The following GARRE1 variants were observed in gnomAD, a reference collection of about 807,000 sequenced individuals.
GARRE1 encodes granule associated Rac and RHOG effector 1.
In GARRE1, 49 loss-of-function variants were observed where a neutral mutation model predicts 103.2. The observed-to-expected ratio is 0.47, with a 90% CI of 0.38 to 0.60. GARRE1 has a LOEUF of 0.60. GARRE1 is among the 20% of genes least tolerant of loss of function. The probability of loss-of-function intolerance (pLI) is 0.00; values close to 1 mark genes in which losing one functional copy is unlikely to be tolerated. For synonymous variants in GARRE1, 505 were observed against 532.8 expected (o/e 0.95, Z 0.72); for missense variants, 1,199 against 1,370.5 (o/e 0.87, Z 1.98).
intron 7 of GARRE1, among the ~76,000 whole-genome samples, 167 bp downstream of exon 7, chr19:34,330,514 A>C (rs541647887): frequency 9.8e-5 from 15 of 152,346 alleles, no homozygotes; most frequent in Non-Finnish European, 2.1e-4. Flanking sequence ...AGCAGCATTT[A>C]AAAATCTCTT....
intron 8 of GARRE1, among the ~76,000 whole-genome samples, chr19:34,339,240 C>T (rs1177852381): frequency 1.3e-5 from 2 of 152,178 alleles, no homozygotes; most frequent in Admixed American, 6.5e-5. Flanking sequence ...GGTTGTCACC[C>T]GACTTCTAAC....
chr19:34,257,424 A>T (rs563747553), intron 1 of GARRE1, among the ~76,000 whole-genome samples: 9 of 151,660 alleles, frequency 5.9e-5, no homozygotes, highest in African/African-American at 2.2e-4. Context: ...TGCAACCTCC[A>T]CCTCCCAGGT....
chr19:34,353,952 T>G lies in GARRE1; in HGVS notation c.*997T>G, dbSNP rs903125163. 2.0e-5 allele frequency: 3 copies of G among 152,612 alleles called. No homozygotes were observed. Among genetic ancestry groups the G allele is most frequent in the Non-Finnish European group, 4.4e-5 (3 of 68,038 alleles). The allele number at this position is 152,612 out of a possible 1,614,324, so 9.5% of individuals were successfully genotyped here. On this transcript the variant is annotated 3_prime_UTR_variant, in exon 14 of 14. Coordinates refer to ENST00000299505, the MANE Select transcript of GARRE1 (RefSeq NM_014686.5). The stretch of plus-strand genomic sequence containing the variant: ...AAAAAAAATCCACCTCATTTTCAGT[T>G]AACATGTGCCATTAAATAGATAACA...
At chr19:34,273,109 G>T (rs2073797581) in intron 1 of GARRE1, among the ~76,000 whole-genome samples, 1 of 152,168 alleles carries the variant, frequency 6.6e-6, no homozygotes, top group East Asian at 1.9e-4. Flanking sequence ...GGCTGAGGCT[G>T]GTCAATCACT....
chr19:34,333,430 CAT>C (rs1568309068), intron 7 of GARRE1, among the ~76,000 whole-genome samples: 1 of 152,152 alleles, frequency 6.6e-6, no homozygotes, highest in Admixed American at 6.5e-5. Context: ...TCCTAATTAA[CAT>C]ATTTATAGTT....
chr19:34,262,490 T>C (rs1424814310), intron 1 of GARRE1, among the ~76,000 whole-genome samples: 1 of 151,586 alleles, frequency 6.6e-6, no homozygotes, highest in Non-Finnish European at 1.5e-5. Flanking sequence ...GAGATGGGGT[T>C]TCACCATATT....
rs1483950283 is a variant in GARRE1, at chr19:34,260,699, GA to G, written c.-796+6091del. 5.3e-5 allele frequency among the ~76,000 whole-genome samples: 8 copies of G among 152,164 alleles called. No individual in the cohort carries two copies. In the East Asian group the frequency reaches 1.5e-3, roughly 29 times the overall value. ...GAATGATCATCTGAGAATGAAATCA[GA>G]AAAAATGTCATACACATTAGCTATC... is the stretch of plus-strand genomic sequence containing the variant. On this transcript the variant is annotated intron_variant, in intron 1 of 13. Transcript: ENST00000299505.
Position 34,339,862 on chromosome 19 carries a change from C to T in GARRE1, c.1362-5C>T, listed in dbSNP as rs758649320. The T allele has an allele frequency of 2.5e-6, 4 of 1,614,056 alleles. No homozygotes were observed. Among genetic ancestry groups the T allele is most frequent in the Non-Finnish European group, 3.4e-6 (4 of 1,179,996 alleles). ...CAAGACTAATGCAGCCTAATCTATGCCTAGGTGCCTGAAAGAAGACCCTGC... is the reference window on the plus strand; with the variant it reads ...CAAGACTAATGCAGCCTAATCTATGTCTAGGTGCCTGAAAGAAGACCCTGC... On this transcript the variant is annotated splice_region_variant and splice_polypyrimidine_tract_variant and intron_variant, in intron 8 of 13. Transcript: ENST00000299505.
Position 34,320,021 on chromosome 19 carries a change from G to T in GARRE1, c.610G>T (p.Glu204Ter). The change falls in exon 3 of 14, where the codon GAA becomes TAA. Residue 204 changes from glutamate to a stop codon, truncating the protein, a stop_gained. Transcript: ENST00000299505. LOFTEE classifies it high-confidence loss of function. ...HSCFAEVIVPEKKNSGSGGGL... is the reference protein window; with the variant it reads ...HSCFAEVIVP ...TTGCTTTGCTGAGGTCATCGTGCCA[G>T]AAAAAAAGAACAGCGGCAGTGGCGG... The T allele has an allele frequency of 6.2e-7, 1 of 1,614,196 alleles. No individual in the cohort carries two copies. Among genetic ancestry groups the T allele is most frequent in the Non-Finnish European group, 8.5e-7 (1 of 1,180,042 alleles).
rs983977705 is a variant in GARRE1 at position 34,353,884 on chromosome 19, C to G, written c.*929C>G. ...TTGTGAGCTGGCTCAGAAGACAAAC[C>G]AATTAAGATGTAGATAGAAATTAAT... On this transcript the variant is annotated 3_prime_UTR_variant, in exon 14 of 14. Transcript: ENST00000299505. 2 of 152,316 alleles carry G rather than the reference C, an allele frequency of 1.3e-5. No individual in the cohort carries two copies. Among genetic ancestry groups the G allele is most frequent in the Non-Finnish European group, 2.9e-5 (2 of 68,004 alleles). 9.4% of individuals were successfully genotyped at this position (152,316 alleles called of 1,614,324 possible). A position where few individuals can be genotyped will look rare whatever the true frequency, so the allele number is the denominator to read the frequency against.
chr19:34,261,982 G>T (rs1057425313), intron 1 of GARRE1, among the ~76,000 whole-genome samples: 2 of 151,960 alleles, frequency 1.3e-5, no homozygotes, highest in South Asian at 4.2e-4. Context: ...CACCTGGTAG[G>T]TCTCCCTGCC....
In GARRE1 at chr19:34,333,718, A is replaced by C; in HGVS notation, c.1278A>C (p.Thr426=). Residue 426 remains threonine, a synonymous_variant, in exon 8 of 14, where the codon ACA becomes ACC. Transcript: ENST00000299505. ...FGQAGLVVVD[T]AQIENKEAYA... Reference sequence around the variant, plus strand: ...TTCGATCTTAGGTGGTGGTTGACACAGCACAGATTGAGAATAAAGAAGCCT... The same window carrying C: ...TTCGATCTTAGGTGGTGGTTGACACCGCACAGATTGAGAATAAAGAAGCCT... The C allele has an allele frequency of 6.4e-7, 1 of 1,556,030 alleles. No individual in the cohort carries two copies. The highest frequency in any genetic ancestry group is 8.8e-7 in the Non-Finnish European group (1 of 1,133,032).
At chr19:34,320,412 G>A (rs944575824) in intron 3 of GARRE1, among the ~76,000 whole-genome samples, 1 of 152,200 alleles carries the variant, frequency 6.6e-6, no homozygotes, top group Non-Finnish European at 1.5e-5. Context: ...GGAAGGGAGG[G>A]CCCTGTCTCT....
chr19:34,290,266 G>A (rs1416522383), intron 1 of GARRE1, among the ~76,000 whole-genome samples: 2 of 152,056 alleles, frequency 1.3e-5, no homozygotes, highest in Non-Finnish European at 2.9e-5. Flanking sequence ...TGAGGTGGGA[G>A]GATGGCTTGA....
intron 1 of GARRE1, among the ~76,000 whole-genome samples, chr19:34,295,855 C>G (rs751458163): frequency 2.6e-5 from 4 of 152,076 alleles, no homozygotes; most frequent in Non-Finnish European, 5.9e-5. Flanking sequence ...GATGTGAGGT[C>G]GGGGTCCAGA....
intron 1 of GARRE1, among the ~76,000 whole-genome samples, chr19:34,294,687 TG>T (rs1206712915): frequency 1.3e-5 from 2 of 152,190 alleles, no homozygotes; most frequent in African/African-American, 2.4e-5. Flanking sequence ...TCCAATTTTT[TG>T]TTGAAAACTG....
In GARRE1 at chr19:34,341,593, C is replaced by T. The variant is rs765542887; in HGVS notation, c.1659C>T (p.Ser553=). ...AGAAAGCTTCATGTACCAGCTCCAG[C>T]AGCAGCACAAATTATTCCATCCAAA... ...FTKKASCTSS[S]SSTNYSIQNT... is the part of the protein sequence containing the mutation. The change falls in exon 10 of 14, where the codon AGC becomes AGT. Residue 553 remains serine (S), a synonymous_variant. Coordinates refer to ENST00000299505, the MANE Select transcript of GARRE1 (RefSeq NM_014686.5). The T allele has an allele frequency of 2.7e-5, 43 of 1,614,086 alleles. No homozygotes were observed. Among genetic ancestry groups the T allele is most frequent in the Non-Finnish European group, 3.6e-5 (43 of 1,180,048 alleles).
intron 1 of GARRE1, among the ~76,000 whole-genome samples, chr19:34,283,854 C>T (rs1323655750): frequency 6.2e-5 from 8 of 129,078 alleles, no homozygotes; most frequent in South Asian, 2.5e-4. Context: ...TTTTTTGAGA[C>T]GGAGTCTCAC....
chr19:34,279,298 T>TTTTTG (rs565732603), intron 1 of GARRE1, among the ~76,000 whole-genome samples: 60 of 152,198 alleles, frequency 3.9e-4, no homozygotes, highest in Middle Eastern at 3.4e-3. Flanking sequence ...TTGCCAGCAC[T>TTTTTG]TTTTGTTTTG....
Sources: allele counts gnomAD v4.1 joint callset (sites outside exome capture counted in the v4.1 genomes callset), GRCh38; gene constraint gnomAD v4.1.1; transcripts MANE v1.5; gene names NCBI Gene and HGNC (gene_info 2026-07-23, HGNC 2026-07-21).